Variants in ANK1 observed in about 807,000 individuals in gnomAD.
The protein encoded by ANK1 is ankyrin 1, also known as ankyrin-1.
Under a neutral mutation model 210.4 loss-of-function variants are expected in ANK1, and 51 were observed. The observed-to-expected ratio is 0.24, with a 90% CI of 0.19 to 0.31. The LOEUF (loss-of-function observed/expected upper bound fraction) is 0.31. ANK1 is among the 10% of genes least tolerant of loss of function. ANK1 has a pLI of 1.00. For missense variants in ANK1, 2,051 were observed against 2,504.4 expected (o/e 0.82, Z 3.86); for synonymous variants, 967 against 1,025.9 (o/e 0.94, Z 1.10).
chr8:41,847,323 G>T (rs1224428859), intron 1 of ANK1, among the ~76,000 whole-genome samples: 1 of 152,180 alleles, frequency 6.6e-6, no homozygotes, highest in Non-Finnish European at 1.5e-5. Context: ...GAGGAAGACG[G>T]TGCAGGTGGA....
intron 1 of ANK1, among the ~76,000 whole-genome samples, chr8:41,771,188 C>T (rs1164878632): frequency 6.6e-6 from 1 of 152,080 alleles, no homozygotes; most frequent in Admixed American, 6.5e-5. Flanking sequence ...ATAAGAGATA[C>T]GTGACTTAAT....
At chr8:41,696,951 G>A (rs1266805189) in intron 24 of ANK1, among the ~76,000 whole-genome samples, 178 bp from the exon 25 acceptor site, 6 of 152,192 alleles carry the variant, frequency 3.9e-5, no homozygotes, top group South Asian at 4.1e-4. Context: ...CTAAAAGGAA[G>A]CACGAGCTTC....
chr8:41,760,437 A>G (rs991833954), intron 1 of ANK1, among the ~76,000 whole-genome samples: 5 of 152,188 alleles, frequency 3.3e-5, no homozygotes, highest in East Asian at 1.9e-4. Context: ...CCATGATTGT[A>G]AGGCCTCCCC....
intron 1 of ANK1, among the ~76,000 whole-genome samples, chr8:41,816,073 G>A (rs1011196409): frequency 5.9e-5 from 9 of 152,042 alleles, no homozygotes; most frequent in Admixed American, 2.0e-4. Flanking sequence ...AACCTTTATC[G>A]CTCTTACATC....
chr8:41,865,954 A>C (rs575843848), intron 1 of ANK1, among the ~76,000 whole-genome samples: 2 of 152,142 alleles, frequency 1.3e-5, no homozygotes, highest in East Asian at 3.9e-4. Context: ...TGCATTCCAC[A>C]CTCAATGGGT....
chr8:41,735,064 A>G (rs1054285348), intron 2 of ANK1, among the ~76,000 whole-genome samples: 6 of 152,210 alleles, frequency 3.9e-5, no homozygotes, highest in African/African-American at 1.4e-4. Context: ...AGCAGAGCCA[A>G]TTAAAATTTA....
chr8:41,831,377 G>T (rs975997214), intron 1 of ANK1, among the ~76,000 whole-genome samples: 5 of 152,194 alleles, frequency 3.3e-5, no homozygotes, highest in Non-Finnish European at 7.3e-5. Flanking sequence ...GCCGGGCATG[G>T]TGGCTCATGC....
At chr8:41,878,340 T>C (rs982422706) in intron 1 of ANK1, among the ~76,000 whole-genome samples, 1 of 152,084 alleles carries the variant, frequency 6.6e-6, no homozygotes, top group Non-Finnish European at 1.5e-5. Context: ...GATATATGGA[T>C]CATCCCCTGC....
At chr8:41,733,155 T>C (rs937094994) in intron 3 of ANK1, among the ~76,000 whole-genome samples, 1 of 152,232 alleles carries the variant, frequency 6.6e-6, no homozygotes, top group African/African-American at 2.4e-5. Context: ...GACTCTGGGA[T>C]TTTGAAGTTG....
intron 1 of ANK1, among the ~76,000 whole-genome samples, chr8:41,862,660 CAAAAAAA>C (rs60114930): frequency 5.0e-5 from 5 of 99,642 alleles, no homozygotes; most frequent in South Asian, 3.3e-4. Flanking sequence ...GAGGCTCAGA[CAAAAAAA>C]AAAAAAAAAA....
chr8:41,844,268 T>C (rs1303285533), intron 1 of ANK1, among the ~76,000 whole-genome samples: 1 of 152,166 alleles, frequency 6.6e-6, no homozygotes, highest in Non-Finnish European at 1.5e-5. Flanking sequence ...AGTCTATAGA[T>C]GAACCATGGG....
At chr8:41,772,095 T>C (rs1204461801) in intron 1 of ANK1, among the ~76,000 whole-genome samples, 1 of 152,166 alleles carries the variant, frequency 6.6e-6, no homozygotes, top group Non-Finnish European at 1.5e-5. Context: ...GCCCCAGGAT[T>C]CGAGAGAAGG....
intron 2 of ANK1, among the ~76,000 whole-genome samples, chr8:41,744,806 A>G (rs1235125446): frequency 2.0e-5 from 3 of 152,150 alleles, no homozygotes; most frequent in Non-Finnish European, 4.4e-5. Context: ...AAGTGCTGGG[A>G]TTACAGGCGT....
At chr8:41,787,624 CA>C (rs1465570476) in intron 1 of ANK1, among the ~76,000 whole-genome samples, 1 of 152,168 alleles carries the variant, frequency 6.6e-6, no homozygotes, top group Non-Finnish European at 1.5e-5. Flanking sequence ...GCAGTCAAAA[CA>C]TGGCTCATCT....
chr8:41,892,883 G>A (rs1378863874), intron 1 of ANK1, among the ~76,000 whole-genome samples: 9 of 152,178 alleles, frequency 5.9e-5, no homozygotes, highest in African/African-American at 2.2e-4. Context: ...GCTATGAATA[G>A]GACATGGTCT....
intron 1 of ANK1, among the ~76,000 whole-genome samples, chr8:41,842,136 C>T (rs1809036607): frequency 6.6e-6 from 1 of 152,196 alleles, no homozygotes; most frequent in African/African-American, 2.4e-5. Context: ...CAGGAGGCAC[C>T]AGGGTGGACA....
chr8:41,806,247 C>A (rs374310825), intron 1 of ANK1, among the ~76,000 whole-genome samples: 2 of 152,136 alleles, frequency 1.3e-5, no homozygotes, highest in African/African-American at 4.8e-5. Flanking sequence ...TGGACAAGAA[C>A]TCAGTGAGTG....
chr8:41,876,980 A>AAAAT (rs903377014), intron 1 of ANK1, among the ~76,000 whole-genome samples: 15 of 152,278 alleles, frequency 9.9e-5, no homozygotes, highest in South Asian at 4.1e-4. Flanking sequence ...GACCATCTTC[A>AAAAT]AAATAAATAA....
At chr8:41,806,507 G>A (rs1394006713) in intron 1 of ANK1, among the ~76,000 whole-genome samples, 1 of 152,206 alleles carries the variant, frequency 6.6e-6, no homozygotes, top group East Asian at 1.9e-4. Context: ...TTGAGGTCAG[G>A]AGTTCAAGAC....
Sources: allele counts gnomAD v4.1 joint callset (sites outside exome capture counted in the v4.1 genomes callset), GRCh38; gene constraint gnomAD v4.1.1; transcripts MANE v1.5; gene names NCBI Gene and HGNC (gene_info 2026-07-23, HGNC 2026-07-21).